Variants in DHX57 observed in about 807,000 individuals in gnomAD.
DHX57 encodes putative ATP-dependent RNA helicase DHX57.
A neutral mutation model predicts 156.2 loss-of-function variants in DHX57; 105 were observed. That is an observed-to-expected ratio of 0.67 (90% CI 0.57 to 0.79). The LOEUF is 0.79. Among genes scored for constraint, DHX57 ranks in the 30% least tolerant of loss-of-function variants. DHX57 has a pLI of 0.00. For missense variants in DHX57, 1,847 were observed against 1,661.9 expected (o/e 1.11, Z -1.94); for synonymous variants, 704 against 595.6 (o/e 1.18, Z -2.65).
chr2:38,861,452 T>G lies in DHX57; in HGVS notation c.958A>C (p.Arg320=), dbSNP rs767291972. 31 of 1,613,980 alleles carry G rather than the reference T, an allele frequency of 1.9e-5. No homozygotes were observed. The highest frequency in any genetic ancestry group is 2.7e-5 in the African/African-American group (2 of 74,952). ...KGNCKFGSKC[R]FKHEVPPNQI... is the part of the protein sequence containing the mutation. ...TTTGGGGGCACTTCATGTTTGAATC[T>G]GCATTTTGATCCAAATTTACAATTT... Residue 320 remains arginine (R), a synonymous_variant, in exon 5 of 24, where the codon AGA becomes CGA. Transcript: ENST00000457308.
At position 38,828,409 on chromosome 2, in the gene DHX57, AG is replaced by A; in HGVS notation, c.2569del (p.Leu857Ter). On this transcript the variant is annotated frameshift_variant, in exon 14 of 24. Coordinates refer to ENST00000457308, the MANE Select transcript of DHX57 (RefSeq NM_198963.3). LOFTEE classifies it high-confidence loss of function. The part of the protein sequence containing the change: ...PGAILVFLPG[L>X]AEIKMLYEQL... ...TTCATAAAGCATTTTGATTTCTGCT[AG>A]TCCTGGTAAAAATACAAGTATAGCA... 1 of 1,613,532 alleles carries A rather than the reference AG, an allele frequency of 6.2e-7. No homozygotes were observed. The highest frequency in any genetic ancestry group is 8.5e-7 in the Non-Finnish European group (1 of 1,179,726).
intron 1 of DHX57, among the ~76,000 whole-genome samples, chr2:38,869,946 A>G (rs925771529): frequency 1.3e-4 from 20 of 152,234 alleles, no homozygotes; most frequent in African/African-American, 4.3e-4. Flanking sequence ...CAATTAAAGC[A>G]GTAAAGGAAG....
intron 7 of DHX57, 170 bp from the exon 8 acceptor site, chr2:38,855,422 C>G: frequency 1.4e-6 from 1 of 711,040 alleles, no homozygotes; most frequent in South Asian, 1.7e-5. Context: ...GTGGGAAATT[C>G]TAGGAATTTG....
chr2:38,833,431 C>T (rs561683461), intron 13 of DHX57, among the ~76,000 whole-genome samples: 11 of 152,258 alleles, frequency 7.2e-5, no homozygotes, highest in African/African-American at 2.6e-4. Flanking sequence ...GTGTGAGCCA[C>T]AGCACCCGGC....
At chr2:38,829,911 C>T (rs1037520382) in intron 13 of DHX57, among the ~76,000 whole-genome samples, 5 of 152,280 alleles carry the variant, frequency 3.3e-5, no homozygotes, top group Non-Finnish European at 7.3e-5. Flanking sequence ...ATCATGTTAA[C>T]AGTTTATGGG....
In DHX57 at chr2:38,875,811, G is replaced by A. The variant is rs1665588972; in HGVS notation, c.-31C>T. On this transcript the variant is annotated 5_prime_UTR_variant, in exon 1 of 24. Transcript: ENST00000457308. The stretch of plus-strand genomic sequence containing the variant: ...CCTGGCTCGCAGAGTTGGGTCCCGA[G>A]CCGGCTGTCGGGAGGTGCTGCCCAA... 1 of 385,406 alleles carries A rather than the reference G, an allele frequency of 2.6e-6. No homozygotes were observed. The highest frequency in any genetic ancestry group is 1.4e-4 in the South Asian group (1 of 6,898). 23.9% of individuals were successfully genotyped at this position (385,406 alleles called of 1,614,324 possible). A position where few individuals can be genotyped will look rare whatever the true frequency, so the allele number is the denominator to read the frequency against.
rs1395952771 is a variant in DHX57 at position 38,825,657 on chromosome 2, T to C, written c.3014+190A>G. Among the ~76,000 whole-genome samples, 4 of 152,188 alleles carry C rather than the reference T, an allele frequency of 2.6e-5. No homozygotes were observed. In the South Asian group the frequency reaches 8.3e-4, roughly 32 times the overall value. Reference sequence around the variant, plus strand: ...GGGCCATGCTCTGCAATGTAAGAGATCTTTATGTGCAGAAATTTAAAAGGA... The same window carrying C: ...GGGCCATGCTCTGCAATGTAAGAGACCTTTATGTGCAGAAATTTAAAAGGA... On this transcript the variant is annotated intron_variant, in intron 16 of 23. Transcript: ENST00000457308.
chr2:38,854,320 T>C, intron 8 of DHX57, 142 bp from the exon 9 acceptor site: 4 of 744,896 alleles, frequency 5.4e-6, no homozygotes, highest in Non-Finnish European at 8.1e-6. Context: ...ATACTAAACA[T>C]AGTTTCTTGC....
At chr2:38,865,635 C>A (rs1245618656) in intron 2 of DHX57, among the ~76,000 whole-genome samples, 1 of 152,134 alleles carries the variant, frequency 6.6e-6, no homozygotes, top group African/African-American at 2.4e-5. Context: ...TAACACCTCA[C>A]ACATTTATCA....
intron 1 of DHX57, among the ~76,000 whole-genome samples, chr2:38,870,027 C>A (rs1665279483): frequency 6.6e-6 from 1 of 151,852 alleles, no homozygotes; most frequent in Non-Finnish European, 1.5e-5. Context: ...ATAAAAAGAA[C>A]CAAATGGGAA....
intron 20 of DHX57, among the ~76,000 whole-genome samples, chr2:38,814,799 C>T (rs187295453): frequency 1.8e-4 from 27 of 151,900 alleles, no homozygotes; most frequent in Admixed American, 7.2e-4. Context: ...CTCGGCTCAC[C>T]GCAACTTCCA....
At chr2:38,811,015 G>T (rs1375446280) in intron 21 of DHX57, 33 of 712,796 alleles carry the variant, frequency 4.6e-5, no homozygotes, top group Non-Finnish European at 8.1e-5. Flanking sequence ...TGAAAATGTT[G>T]GGGGTGTTGG....
intron 21 of DHX57, among the ~76,000 whole-genome samples, chr2:38,813,200 T>C (rs1011044961): frequency 9.9e-5 from 15 of 152,188 alleles, no homozygotes; most frequent in Middle Eastern, 3.4e-3. Flanking sequence ...TTGAATCAAG[T>C]TTCCAACTAA....
In DHX57 at chr2:38,861,707, C is replaced by A; in HGVS notation, c.703G>T (p.Ala235Ser). 1 of 1,614,160 alleles carries A rather than the reference C, an allele frequency of 6.2e-7. No individual in the cohort carries two copies. The highest frequency in any genetic ancestry group is 8.5e-7 in the Non-Finnish European group (1 of 1,180,036). ...TFGERMKISE[A>S]VNQISLDECM... ...TCATCCAAGCTTATCTGGTTGACTG[C>A]CTCAGAGATCTTCATCCTCTCTCCA... The change falls in exon 5 of 24, where the codon GCA becomes TCA. Residue 235 changes from alanine (A) to serine (S), a missense_variant. Ala to Ser is a moderately conservative substitution (Grantham distance 99). Coordinates refer to ENST00000457308, the MANE Select transcript of DHX57 (RefSeq NM_198963.3).
chr2:38,828,107 C>T (rs184335973), intron 14 of DHX57, among the ~76,000 whole-genome samples: 75 of 152,292 alleles, frequency 4.9e-4, no homozygotes, highest in Admixed American at 3.3e-3. Flanking sequence ...CCGCCCGCCT[C>T]GGCCTCCCAA....
chr2:38,809,610 C>G (rs534660817), intron 21 of DHX57, among the ~76,000 whole-genome samples: 1 of 150,658 alleles, frequency 6.6e-6, no homozygotes, highest in Non-Finnish European at 1.5e-5. Context: ...AACAGGCACC[C>G]GCCACCATGC....
intron 13 of DHX57, among the ~76,000 whole-genome samples, chr2:38,836,753 GCAA>G (rs1481844259): frequency 7.1e-6 from 1 of 140,410 alleles, no homozygotes; most frequent in Non-Finnish European, 1.5e-5. Flanking sequence ...TCCAGCCTGG[GCAA>G]GAGAGTGAGA....
At chr2:38,856,488 G>A (rs1277996024) in intron 6 of DHX57, 27 bp from the exon 7 acceptor site, 1 of 1,545,596 alleles carries the variant, frequency 6.5e-7, no homozygotes. Context: ...TAAGATATCA[G>A]TTGGGTTACT....
chr2:38,831,502 T>C (rs919103785), intron 13 of DHX57, among the ~76,000 whole-genome samples: 19 of 152,040 alleles, frequency 1.2e-4, no homozygotes, highest in Non-Finnish European at 1.8e-4. Context: ...CATTTCTTCT[T>C]CATTTCTGAT....
Sources: gnomAD v4.1 joint callset for allele counts (sites outside exome capture counted in the v4.1 genomes callset) on GRCh38, gnomAD v4.1.1 for gene constraint, MANE v1.5 for transcripts, NCBI Gene and HGNC (gene_info 2026-07-23, HGNC 2026-07-21) for gene names.